Variants in TOMM20L observed in about 807,000 individuals in gnomAD.
TOMM20L encodes TOMM20-like protein 1.
TOMM20L carries 19 observed loss-of-function variants against 20.4 expected under a neutral mutation model. The ratio of observed to expected loss-of-function variants is 0.93; its 90% CI spans 0.65 to 1.36. The LOEUF is 1.36. Among genes scored for constraint, TOMM20L ranks in the 40% most tolerant of loss-of-function variants. The pLI is 0.00. For missense variants in TOMM20L, 218 were observed against 203.7 expected, an observed-to-expected ratio of 1.07 and a Z score of -0.43; for synonymous variants, 75 against 79.6, an observed-to-expected ratio of 0.94 and a Z score of 0.30.
At chr14:58,401,053 C>G (rs1167287658) in intron 2 of TOMM20L, among the ~76,000 whole-genome samples, 2 of 152,190 alleles carry the variant, frequency 1.3e-5, no homozygotes, top group Non-Finnish European at 2.9e-5. Context: ...GATGTAATGT[C>G]TCTGTACTTT....
chr14:58,408,757 T>C, downstream of TOMM20L: 1 of 724,466 alleles, frequency 1.4e-6, no homozygotes, highest in Non-Finnish European at 2.2e-6. Context: ...GAAGAAACAA[T>C]GGTTTATTTT....
downstream of TOMM20L, chr14:58,410,953 G>C (rs201223599): frequency 6.3e-7 from 1 of 1,575,856 alleles, no homozygotes. Flanking sequence ...AAACAAACCA[G>C]AATGTTCTTT....
At chr14:58,413,955 C>T in the TOMM20L span, among the ~76,000 whole-genome samples, 661 of 116,292 alleles carry the variant, frequency 5.7e-3, 23 homozygotes, top group East Asian at 0.11. Context: ...TGCAGTGAGC[C>T]GAGATTGCAC....
At chr14:58,410,832 A>G (rs751277809), downstream of TOMM20L, 167 of 1,588,534 alleles carry the variant, frequency 1.1e-4, 1 homozygote, top group South Asian at 1.8e-3. Flanking sequence ...AGTGAGTAAC[A>G]CTTTTCATAC....
chr14:58,402,907 A>G, intron 3 of TOMM20L, 146 bp downstream of exon 3: 1 of 636,760 alleles, frequency 1.6e-6, no homozygotes, highest in Non-Finnish European at 2.8e-6. Context: ...TGTTCACTTC[A>G]TCATACTGTA....
intron 2 of TOMM20L, among the ~76,000 whole-genome samples, chr14:58,400,868 ACT>A (rs773903302): frequency 1.2e-4 from 18 of 152,280 alleles, no homozygotes; most frequent in Non-Finnish European, 2.4e-4. Context: ...ACAGAGCAAG[ACT>A]CTGTCTCAAA....
rs2035917341 is a variant in TOMM20L, at chr14:58,396,288, G to A, written c.137-10G>A. ...CCTCCCAGCCAGCATGTGCCGTGTTGTGTTCGCAGAAAGAAGAGCAGAGCC... is the reference window on the plus strand; with the variant it reads ...CCTCCCAGCCAGCATGTGCCGTGTTATGTTCGCAGAAAGAAGAGCAGAGCC... On this transcript the variant is annotated splice_polypyrimidine_tract_variant and intron_variant, in intron 1 of 4. Coordinates refer to ENST00000360945, the MANE Select transcript of TOMM20L (RefSeq NM_207377.3). The A allele has an allele frequency of 1.9e-6, 3 of 1,613,030 alleles. No homozygotes were observed. The highest frequency in any genetic ancestry group is 1.7e-5 in the Admixed American group (1 of 60,008).
intron 2 of TOMM20L, 61 bp from the exon 3 acceptor site, chr14:58,402,619 G>A: frequency 7.8e-7 from 1 of 1,284,358 alleles, no homozygotes; most frequent in East Asian, 2.3e-5. Context: ...AAAATAATTT[G>A]ATCAGTAGCC....
intron 4 of TOMM20L, among the ~76,000 whole-genome samples, chr14:58,408,274 G>A (rs188517070): frequency 1.2e-4 from 18 of 152,086 alleles, no homozygotes; most frequent in African/African-American, 2.9e-4. Flanking sequence ...AAAGTTAGCC[G>A]GGCATGGTGG....
At chr14:58,408,845 C>G (rs1006568970), downstream of TOMM20L, 15 of 800,432 alleles carry the variant, frequency 1.9e-5, no homozygotes, top group Non-Finnish European at 2.8e-5. Flanking sequence ...AACAATAAGA[C>G]CTTCTATTGT....
chr14:58,402,267 G>A (rs953929467), intron 2 of TOMM20L, among the ~76,000 whole-genome samples: 23 of 151,946 alleles, frequency 1.5e-4, no homozygotes, highest in Admixed American at 1.4e-3. Flanking sequence ...TAGAGACTAG[G>A]TTCAAGATGT....
At chr14:58,403,094 T>C (rs1267955964) in intron 3 of TOMM20L, among the ~76,000 whole-genome samples, 2 of 152,252 alleles carry the variant, frequency 1.3e-5, no homozygotes, top group African/African-American at 4.8e-5. Context: ...TGGTGGCTCA[T>C]ACCTGTAATC....
intron 4 of TOMM20L, 123 bp from the exon 5 acceptor site, chr14:58,408,406 A>C (rs2036099775): frequency 2.3e-6 from 2 of 864,946 alleles, no homozygotes; most frequent in Non-Finnish European, 3.6e-6. Flanking sequence ...GACGAAAGCA[A>C]AACTCCGTCT....
At chr14:58,416,354 T>C in the TOMM20L span, among the ~76,000 whole-genome samples, 41 of 152,338 alleles carry the variant, frequency 2.7e-4, no homozygotes, top group African/African-American at 9.1e-4. Flanking sequence ...GATTTTTCTT[T>C]AGAAACTATG....
intron 2 of TOMM20L, among the ~76,000 whole-genome samples, chr14:58,398,206 T>G (rs930881176): frequency 6.6e-6 from 1 of 152,214 alleles, no homozygotes; most frequent in Non-Finnish European, 1.5e-5. Flanking sequence ...ATTTGTGTAA[T>G]TATTTGATTA....
At position 58,407,331 on chromosome 14, in the gene TOMM20L, C is replaced by G; in HGVS notation, c.268C>G (p.His90Asp). 1.9e-6 allele frequency: 3 copies of G among 1,602,728 alleles called. No homozygotes were observed. Among genetic ancestry groups the G allele is most frequent in the Non-Finnish European group, 2.5e-6 (3 of 1,176,570 alleles). ...AACTTGTCATTCTGTTTCAGGAGAG[C>G]ACAGAATGGGGATTCAACACCTCGG... ...MGELWLSRGE[H>D]RMGIQHLGNA... The change falls in exon 4 of 5, where the codon CAC becomes GAC. Residue 90 changes from histidine to aspartate, a missense_variant. Physicochemically the swap from His to Asp is moderately conservative, Grantham distance 81. Transcript: ENST00000360945.
chr14:58,405,437 A>C (rs1356471334), intron 3 of TOMM20L, among the ~76,000 whole-genome samples: 2 of 152,260 alleles, frequency 1.3e-5, no homozygotes, highest in African/African-American at 4.8e-5. Context: ...ATGATGTAAT[A>C]GTTTAATTAG....
chr14:58,417,077 A>G, the TOMM20L span, among the ~76,000 whole-genome samples: 1 of 152,156 alleles, frequency 6.6e-6, no homozygotes, highest in Non-Finnish European at 1.5e-5. Context: ...GGTTTTATCA[A>G]GAGGAGATCC....
chr14:58,414,887 C>T, the TOMM20L span, among the ~76,000 whole-genome samples: 651 of 152,228 alleles, frequency 4.3e-3, 3 homozygotes, highest in Non-Finnish European at 7.0e-3. Flanking sequence ...GGCTTTCCAC[C>T]CCAATTGGCA....
Sources: gnomAD v4.1 joint callset for allele counts (sites outside exome capture counted in the v4.1 genomes callset) on GRCh38, gnomAD v4.1.1 for gene constraint, MANE v1.5 for transcripts, NCBI Gene and HGNC (gene_info 2026-07-23, HGNC 2026-07-21) for gene names.